Variants in VEPH1 observed in about 807,000 individuals in gnomAD.
VEPH1 encodes ventricular zone expressed PH domain containing 1.
Under a neutral mutation model 85.2 loss-of-function variants are expected in VEPH1, and 80 were observed. The observed-to-expected ratio is 0.94, with a 90% confidence interval of 0.78 to 1.13. The LOEUF (loss-of-function observed/expected upper bound fraction) is 1.13. VEPH1 is among the 50% of genes most tolerant of loss of function. VEPH1 has a pLI of 0.00. For missense variants in VEPH1, 955 were observed against 980.5 expected (o/e 0.97, Z 0.35); for synonymous variants, 297 against 348.0 (o/e 0.85, Z 1.63).
chr3:157,391,797 C>T (rs559774757), intron 6 of VEPH1, among the ~76,000 whole-genome samples: 16 of 152,222 alleles, frequency 1.1e-4, no homozygotes, highest in Middle Eastern at 3.4e-3. Context: ...ACCAGATTGT[C>T]CAAAGTCAAT....
At chr3:157,378,682 A>C (rs1728428473) in intron 7 of VEPH1, among the ~76,000 whole-genome samples, 1 of 152,182 alleles carries the variant, frequency 6.6e-6, no homozygotes, top group Admixed American at 6.6e-5. Context: ...TACCTCTGTG[A>C]ATAGTTATTG....
At chr3:157,264,248 C>A (rs948157000) in intron 13 of VEPH1, among the ~76,000 whole-genome samples, 3 of 152,328 alleles carry the variant, frequency 2.0e-5, no homozygotes, top group South Asian at 4.1e-4. Flanking sequence ...TCCCTCCCCC[C>A]AGCTCACTGC....
chr3:157,453,440 A>G (rs1735128359), intron 4 of VEPH1, among the ~76,000 whole-genome samples: 1 of 152,168 alleles, frequency 6.6e-6, no homozygotes, highest in Non-Finnish European at 1.5e-5. Context: ...GAATGATATA[A>G]TCGGTATAAA....
chr3:157,492,969 C>G lies in VEPH1; in HGVS notation c.138+2243G>C, dbSNP rs1213389883. 2.0e-5 allele frequency among the ~76,000 whole-genome samples: 3 copies of G among 152,116 alleles called. No homozygotes were observed. In the East Asian group the frequency reaches 5.8e-4, roughly 29 times the overall value. On this transcript the variant is annotated intron_variant, in intron 2 of 13. Coordinates refer to ENST00000362010, the MANE Select transcript of VEPH1 (RefSeq NM_001167912.2). ...GCACCGTCCTCATGATAAATCACCC[C>G]CTGCTGATATCTTTCTTAAAACTAC...
chr3:157,499,163 A>G (rs1739899834), intron 1 of VEPH1, among the ~76,000 whole-genome samples: 1 of 151,666 alleles, frequency 6.6e-6, no homozygotes, highest in Non-Finnish European at 1.5e-5. Flanking sequence ...GGCTTATAAA[A>G]TTCTTACAGC....
intron 4 of VEPH1, among the ~76,000 whole-genome samples, chr3:157,450,446 T>C (rs998667899): frequency 1.3e-5 from 2 of 152,080 alleles, no homozygotes; most frequent in Non-Finnish European, 2.9e-5. Flanking sequence ...ATAACTTTCA[T>C]TTATTTTTCT....
At position 157,356,659 on chromosome 3, in the gene VEPH1, A is replaced by G. The variant is rs564727188; in HGVS notation, c.1735+6705T>C. On this transcript the variant is annotated intron_variant, in intron 9 of 13. Coordinates refer to ENST00000362010, the MANE Select transcript of VEPH1 (RefSeq NM_001167912.2). Reference sequence around the variant, plus strand: ...GTTTCCTGGCTACCAACTCTTCATCACCAACAGAGCTAAAAAATATGGATT... The same window carrying G: ...GTTTCCTGGCTACCAACTCTTCATCGCCAACAGAGCTAAAAAATATGGATT... Among the ~76,000 whole-genome samples, 21 of 152,248 alleles carry G rather than the reference A, an allele frequency of 1.4e-4. 1 individual carries two copies. The highest frequency in any genetic ancestry group is 4.3e-4 in the African/African-American group (18 of 41,542).
intron 4 of VEPH1, among the ~76,000 whole-genome samples, chr3:157,435,327 T>C (rs1265792535): frequency 6.6e-6 from 1 of 152,226 alleles, no homozygotes; most frequent in Non-Finnish European, 1.5e-5. Flanking sequence ...TGTTCAAATA[T>C]CATTGTGAAT....
At chr3:157,463,623 T>G (rs1736084794) in intron 3 of VEPH1, among the ~76,000 whole-genome samples, 1 of 152,180 alleles carries the variant, frequency 6.6e-6, no homozygotes, top group African/African-American at 2.4e-5. Flanking sequence ...AGTGCTCAGC[T>G]TTAGAAGTCA....
intron 6 of VEPH1, among the ~76,000 whole-genome samples, chr3:157,390,884 G>A (rs1051067671): frequency 6.6e-6 from 1 of 152,132 alleles, no homozygotes; most frequent in Non-Finnish European, 1.5e-5. Flanking sequence ...ACATCCCCTC[G>A]GGGCTCCATG....
chr3:157,303,723 C>T (rs560516840), intron 11 of VEPH1, among the ~76,000 whole-genome samples: 3 of 152,128 alleles, frequency 2.0e-5, no homozygotes, highest in South Asian at 2.1e-4. Context: ...CTGGATTAGC[C>T]CCTTGGTCTG....
At chr3:157,419,464 A>C (rs186687749) in intron 5 of VEPH1, among the ~76,000 whole-genome samples, 1 of 152,326 alleles carries the variant, frequency 6.6e-6, no homozygotes, top group East Asian at 1.9e-4. Flanking sequence ...AGGAACTTAA[A>C]CATTTACAAG....
chr3:157,342,151 A>G (rs1266503262), intron 9 of VEPH1, among the ~76,000 whole-genome samples: 1 of 152,246 alleles, frequency 6.6e-6, no homozygotes, highest in Non-Finnish European at 1.5e-5. Flanking sequence ...CATCATAATG[A>G]CAGGATCAAA....
intron 4 of VEPH1, among the ~76,000 whole-genome samples, chr3:157,452,025 A>C (rs1437864399): frequency 6.6e-6 from 1 of 152,218 alleles, no homozygotes; most frequent in Non-Finnish European, 1.5e-5. Flanking sequence ...TATATTTAAA[A>C]ATTTGGAGAT....
chr3:157,452,072 G>A (rs1735010595), intron 4 of VEPH1, among the ~76,000 whole-genome samples: 2 of 152,164 alleles, frequency 1.3e-5, no homozygotes, highest in Admixed American at 1.3e-4. Context: ...AGATGTGATT[G>A]TGTGATTGAC....
chr3:157,287,820 C>T (rs1716975531), intron 11 of VEPH1, among the ~76,000 whole-genome samples: 1 of 152,226 alleles, frequency 6.6e-6, no homozygotes, highest in South Asian at 2.1e-4. Flanking sequence ...CTTCCTTGGC[C>T]TCCCAAAAGG....
At chr3:157,405,738 A>G (rs1293311937) in intron 6 of VEPH1, among the ~76,000 whole-genome samples, 1 of 152,160 alleles carries the variant, frequency 6.6e-6, no homozygotes, top group Non-Finnish European at 1.5e-5. Flanking sequence ...ACTCCCCCAC[A>G]TGGGGTTAGT....
chr3:157,285,587 C>T (rs1317414231), intron 12 of VEPH1, among the ~76,000 whole-genome samples: 1 of 152,212 alleles, frequency 6.6e-6, no homozygotes, highest in East Asian at 1.9e-4. Flanking sequence ...GTTCCACAGT[C>T]TTTTTAACAC....
chr3:157,419,489 T>C (rs1577609855), intron 5 of VEPH1, among the ~76,000 whole-genome samples: 1 of 151,356 alleles, frequency 6.6e-6, no homozygotes, highest in South Asian at 2.1e-4. Flanking sequence ...CAAACAAACA[T>C]CCCCATTAAG....
Sources: gnomAD v4.1 joint callset for allele counts (sites outside exome capture counted in the v4.1 genomes callset) on GRCh38, gnomAD v4.1.1 for gene constraint, MANE v1.5 for transcripts, NCBI Gene and HGNC (gene_info 2026-07-23, HGNC 2026-07-21) for gene names.